The following ZNF385D variants were observed in gnomAD, a reference collection of about 807,000 sequenced individuals.
ZNF385D encodes the protein zinc finger protein 385D, also known as zinc finger protein 659.
A neutral mutation model predicts 35.8 loss-of-function variants in ZNF385D; 15 were observed. That is an observed-to-expected ratio of 0.42 (90% CI 0.28 to 0.64). The LOEUF (loss-of-function observed/expected upper bound fraction) is 0.64. ZNF385D is among the 30% of genes least tolerant of loss of function. ZNF385D has a pLI of 0.23. For missense variants in ZNF385D, 474 were observed against 494.6 expected, an observed-to-expected ratio of 0.96 and a Z score of 0.39; for synonymous variants, 212 against 186.8, an observed-to-expected ratio of 1.13 and a Z score of -1.10.
intron 3 of ZNF385D, among the ~76,000 whole-genome samples, chr3:21,771,343 A>C (rs1160697300): frequency 3.3e-5 from 5 of 152,048 alleles, no homozygotes; most frequent in South Asian, 2.1e-4. Flanking sequence ...ATAAGAAATA[A>C]ATATATAATA....
chr3:21,759,671 T>C (rs1260619873), intron 3 of ZNF385D, among the ~76,000 whole-genome samples: 1 of 152,196 alleles, frequency 6.6e-6, no homozygotes, highest in African/African-American at 2.4e-5. Context: ...TCATTTATGG[T>C]TCCTGGGCAG....
chr3:22,036,525 G>A (rs1220679073), intron 3 of ZNF385D, among the ~76,000 whole-genome samples: 1 of 151,754 alleles, frequency 6.6e-6, no homozygotes, highest in Non-Finnish European at 1.5e-5. Context: ...AAAATGGAAA[G>A]AAATAGTAGT....
At chr3:22,151,978 A>AT (rs1210575279) in intron 3 of ZNF385D, among the ~76,000 whole-genome samples, 2 of 151,942 alleles carry the variant, frequency 1.3e-5, no homozygotes, top group Non-Finnish European at 2.9e-5. Flanking sequence ...CTCAGTAGTA[A>AT]TTTTTTTCTG....
rs186537691 is a variant in ZNF385D, at chr3:22,186,144, T to C, written c.107-17109A>G. 4.7e-3 allele frequency among the ~76,000 whole-genome samples: 712 copies of C among 152,282 alleles called. 15 individuals are homozygous for C. The South Asian group carries it at 0.05, about 11-fold the overall frequency. ...AATTAAGCAAGTTTACTTCACGTAA[T>C]TGGAGTTAGAAAGTGAGGTTTTTCT... On this transcript the variant is annotated intron_variant, in intron 2 of 5. Transcript: ENST00000494108.
At chr3:21,735,322 C>T (rs185425837) in intron 1 of ZNF385D, among the ~76,000 whole-genome samples, 2 of 152,258 alleles carry the variant, frequency 1.3e-5, no homozygotes, top group Admixed American at 1.3e-4. Context: ...CCTAGGAGAA[C>T]AAACAATACT....
chr3:21,866,971 G>C (rs1697398662), intron 3 of ZNF385D, among the ~76,000 whole-genome samples: 1 of 152,046 alleles, frequency 6.6e-6, no homozygotes, highest in Admixed American at 6.6e-5. Context: ...CATTATCTTA[G>C]TCGATTTGTG....
At chr3:22,003,180 A>T (rs1695959075) in intron 3 of ZNF385D, among the ~76,000 whole-genome samples, 1 of 152,144 alleles carries the variant, frequency 6.6e-6, no homozygotes, top group South Asian at 2.1e-4. Context: ...ACAAAACCTA[A>T]ATATTCCACC....
At chr3:22,128,520 C>T (rs79399684) in intron 3 of ZNF385D, among the ~76,000 whole-genome samples, 11,443 of 151,958 alleles carry the variant, frequency 0.075, 1,410 homozygotes, top group African/African-American at 0.26. Context: ...TATGTTTGCA[C>T]TTTTTAGGCT....
At chr3:21,541,745 TAATGA>T (rs750936320) in intron 3 of ZNF385D, among the ~76,000 whole-genome samples, 1 of 152,204 alleles carries the variant, frequency 6.6e-6, no homozygotes, top group Non-Finnish European at 1.5e-5. Context: ...GAACTAGGAT[TAATGA>T]AATGGAATGA....
In ZNF385D at chr3:22,046,814, G is replaced by A. The variant is rs144782740; in HGVS notation, c.325+122003C>T. On this transcript the variant is annotated intron_variant, in intron 3 of 5. Transcript: ENST00000494108. ...CACTTTTCTAAGTCGAATTGTATTT[G>A]GAGAAACAATTTATTTTATATTTGT... is the stretch of plus-strand genomic sequence containing the variant. 4.9e-3 allele frequency among the ~76,000 whole-genome samples: 747 copies of A among 152,046 alleles called. 11 individuals are homozygous for A. The highest frequency in any genetic ancestry group is 0.016 in the African/African-American group (644 of 41,494).
chr3:22,065,887 GAT>G (rs1045350095), intron 3 of ZNF385D, among the ~76,000 whole-genome samples: 2 of 152,178 alleles, frequency 1.3e-5, no homozygotes, highest in African/African-American at 4.8e-5. Flanking sequence ...AAGAGATAAA[GAT>G]AAAGACATCA....
intron 3 of ZNF385D, among the ~76,000 whole-genome samples, chr3:22,144,846 A>G (rs929316870): frequency 1.3e-5 from 2 of 152,160 alleles, no homozygotes; most frequent in African/African-American, 4.8e-5. Flanking sequence ...CAAAGGCTTA[A>G]AGATCATTTA....
chr3:21,932,519 T>A (rs1182903735), intron 3 of ZNF385D, among the ~76,000 whole-genome samples: 3 of 151,958 alleles, frequency 2.0e-5, no homozygotes, highest in African/African-American at 7.3e-5. Flanking sequence ...TAGCAGTGAG[T>A]TTGATGTTAT....
At chr3:21,579,779 G>GGCCA (rs1319676483) in intron 2 of ZNF385D, 3 of 5,962 alleles carry the variant, frequency 5.0e-4, no homozygotes, top group African/African-American at 1.1e-3. Context: ...CTTGCCAGCC[G>GGCCA]TCTCTGGTGC....
At chr3:22,097,322 A>G (rs1164490773) in intron 3 of ZNF385D, among the ~76,000 whole-genome samples, 1 of 152,044 alleles carries the variant, frequency 6.6e-6, no homozygotes, top group Non-Finnish European at 1.5e-5. Flanking sequence ...CCTAAAATAT[A>G]TGGTGTTGGG....
chr3:21,448,503 A>G (rs1702277150), intron 4 of ZNF385D, among the ~76,000 whole-genome samples: 1 of 152,186 alleles, frequency 6.6e-6, no homozygotes, highest in Admixed American at 6.5e-5. Context: ...TGTTGTGTTA[A>G]TATATTTCAG....
intron 2 of ZNF385D, among the ~76,000 whole-genome samples, chr3:22,220,356 C>A (rs1698177412): frequency 6.6e-6 from 1 of 152,098 alleles, no homozygotes; most frequent in African/African-American, 2.4e-5. Context: ...ACTTTAGGAG[C>A]CACTGCCTCC....
chr3:22,303,524 T>G lies in ZNF385D; in HGVS notation c.106+68926A>C, dbSNP rs565389931. Reference sequence around the variant, plus strand: ...TGAGGATTTTACTTTTTTATCAGCTTGTCTATGTATTCTAAATGATGTTTA... The same window carrying G: ...TGAGGATTTTACTTTTTTATCAGCTGGTCTATGTATTCTAAATGATGTTTA... On this transcript the variant is annotated intron_variant, in intron 2 of 5. Transcript: ENST00000494108. Among the ~76,000 whole-genome samples the G allele has an allele frequency of 1.2e-4, 18 of 152,286 alleles. No individual in the cohort carries two copies. The South Asian group carries it at 2.3e-3, about 19-fold the overall frequency.
chr3:21,885,699 A>G (rs1698503005), intron 3 of ZNF385D, among the ~76,000 whole-genome samples: 1 of 150,572 alleles, frequency 6.6e-6, no homozygotes, highest in African/African-American at 2.4e-5. Context: ...TATATATTAT[A>G]TTAGGGTTTT....
Sources: allele counts gnomAD v4.1 joint callset (sites outside exome capture counted in the v4.1 genomes callset), GRCh38; gene constraint gnomAD v4.1.1; transcripts MANE v1.5; gene names NCBI Gene and HGNC (gene_info 2026-07-23, HGNC 2026-07-21).